The following RBM33 variants were observed in gnomAD, a reference collection of about 807,000 sequenced individuals.
The protein encoded by RBM33 is RNA binding motif protein 33, also known as RNA-binding protein 33.
A neutral mutation model predicts 132.6 loss-of-function variants in RBM33; 28 were observed. The ratio of observed to expected loss-of-function variants is 0.21; its 90% CI spans 0.16 to 0.29. The LOEUF (loss-of-function observed/expected upper bound fraction) is 0.29. RBM33 is among the 10% of genes least tolerant of loss of function. RBM33 has a pLI of 1.00. For missense variants in RBM33, 1,291 were observed against 1,518.5 expected, an observed-to-expected ratio of 0.85 and a Z score of 2.49; for synonymous variants, 634 against 593.0, an observed-to-expected ratio of 1.07 and a Z score of -1.01.
chr7:155,667,886 T>TAC (rs1563134754), intron 2 of RBM33, among the ~76,000 whole-genome samples: 3 of 152,212 alleles, frequency 2.0e-5, no homozygotes, highest in Non-Finnish European at 4.4e-5. Context: ...AATAGACTAG[T>TAC]ACAGTGAACC....
chr7:155,763,670 A>G, intron 14 of RBM33, 142 bp from the exon 15 acceptor site: 1 of 749,918 alleles, frequency 1.3e-6, no homozygotes, highest in Non-Finnish European at 2.3e-6. Context: ...GGCTCTAGTG[A>G]AATGACAAGT....
chr7:155,673,543 CACACGTGTATATATAT>C (rs1799021316), intron 3 of RBM33, among the ~76,000 whole-genome samples: 1 of 90,296 alleles, frequency 1.1e-5, no homozygotes, highest in East Asian at 3.1e-4. Context: ...TATATACATA[CACACGTGTATATATAT>C]ACACACATAT....
At chr7:155,725,516 G>T (rs181028422) in intron 9 of RBM33, among the ~76,000 whole-genome samples, 388 of 152,168 alleles carry the variant, frequency 2.5e-3, no homozygotes, top group Non-Finnish European at 3.7e-3. Context: ...AAAAAACATA[G>T]AATCTGGTAA....
chr7:155,669,292 A>AT (rs970730649), intron 2 of RBM33, among the ~76,000 whole-genome samples: 1 of 151,914 alleles, frequency 6.6e-6, no homozygotes, highest in South Asian at 2.1e-4. Flanking sequence ...TGTTTTATTT[A>AT]TTTTTTTTAA....
At chr7:155,698,031 T>C (rs1429114437) in intron 5 of RBM33, among the ~76,000 whole-genome samples, 1 of 152,142 alleles carries the variant, frequency 6.6e-6, no homozygotes, top group Admixed American at 6.5e-5. Flanking sequence ...TACCCATCAG[T>C]GGAATGTAGC....
At chr7:155,649,779 T>C (rs1259541356) in intron 1 of RBM33, among the ~76,000 whole-genome samples, 1 of 152,222 alleles carries the variant, frequency 6.6e-6, no homozygotes, top group Non-Finnish European at 1.5e-5. Context: ...CTCAAATGGC[T>C]GGAGCTGCAA....
chr7:155,699,480 T>G (rs1799896742), intron 5 of RBM33, among the ~76,000 whole-genome samples: 1 of 152,208 alleles, frequency 6.6e-6, no homozygotes, highest in East Asian at 1.9e-4. Flanking sequence ...GCACGTACCT[T>G]GCAGGCATCC....
intron 3 of RBM33, among the ~76,000 whole-genome samples, chr7:155,677,194 C>T (rs1799208030): frequency 6.7e-6 from 1 of 150,356 alleles, no homozygotes; most frequent in African/African-American, 2.5e-5. Flanking sequence ...ATATGGTCAC[C>T]TAACGGAAAC....
chr7:155,735,272 A>G (rs1285615830), intron 9 of RBM33, among the ~76,000 whole-genome samples: 1 of 152,244 alleles, frequency 6.6e-6, no homozygotes, highest in Non-Finnish European at 1.5e-5. Context: ...AACAAGAGGA[A>G]AAAACTTTGG....
chr7:155,741,194 C>T (rs972093765), intron 12 of RBM33, among the ~76,000 whole-genome samples: 23 of 152,094 alleles, frequency 1.5e-4, no homozygotes, highest in Non-Finnish European at 8.8e-5. Flanking sequence ...ATTTGACCTG[C>T]GGGACCTCGG....
intron 14 of RBM33, among the ~76,000 whole-genome samples, chr7:155,755,723 T>A (rs1801827319): frequency 6.6e-6 from 1 of 152,222 alleles, no homozygotes; most frequent in Non-Finnish European, 1.5e-5. Flanking sequence ...TCTGTCAAAT[T>A]GCAGGAAGCC....
intron 6 of RBM33, chr7:155,701,172 A>G (rs1799950791): frequency 1.9e-6 from 1 of 535,390 alleles, no homozygotes; most frequent in East Asian, 3.0e-5. Flanking sequence ...TGTTTAAGAT[A>G]ATTAAAAAAA....
intron 2 of RBM33, among the ~76,000 whole-genome samples, chr7:155,670,221 A>G (rs1798909487): frequency 6.6e-6 from 1 of 152,262 alleles, no homozygotes; most frequent in Admixed American, 6.5e-5. Context: ...GTACTCAAGT[A>G]GTGATTACTG....
At chr7:155,761,222 G>T (rs762609545) in intron 14 of RBM33, among the ~76,000 whole-genome samples, 2 of 152,164 alleles carry the variant, frequency 1.3e-5, no homozygotes, top group Non-Finnish European at 2.9e-5. Context: ...CTAATATTCT[G>T]TTGGGGATTT....
At chr7:155,656,495 A>G (rs1055338402) in intron 1 of RBM33, among the ~76,000 whole-genome samples, 29 of 152,234 alleles carry the variant, frequency 1.9e-4, no homozygotes, top group Admixed American at 1.6e-3. Context: ...TGAAAAGACA[A>G]AGTACTTCTT....
intron 5 of RBM33, among the ~76,000 whole-genome samples, chr7:155,688,985 A>C (rs376876408): frequency 6.6e-6 from 1 of 152,230 alleles, no homozygotes; most frequent in South Asian, 2.1e-4. Context: ...TGCTGGCCTC[A>C]TAAAATGAGT....
At chr7:155,673,940 G>GTTGTTGTTGTTTTTTTTTTTTTTTTTTT in intron 3 of RBM33, among the ~76,000 whole-genome samples, 1 of 54,214 alleles carries the variant, frequency 1.8e-5, no homozygotes, top group African/African-American at 8.3e-5. Context: ...TTTAGGCTTA[G>GTTGTTGTTGTTTTTTTTTTTTTTTTTTT]TTTTTTTTTT....
chr7:155,774,500 A>C lies in RBM33; in HGVS notation c.3376-59A>C. 1 of 1,175,832 alleles carries C rather than the reference A, an allele frequency of 8.5e-7. No homozygotes were observed. Among genetic ancestry groups the C allele is most frequent in the Non-Finnish European group, 1.3e-6 (1 of 787,354 alleles). The allele number at this position is 1,175,832 out of a possible 1,614,324, so 72.8% of individuals were successfully genotyped here. ...AAACTAATAATGCTTAAATATATAT[A>C]TTCATATTTTTTATTGTCATTTACA... On this transcript the variant is annotated intron_variant, in intron 16 of 17. Transcript: ENST00000401878. The surrounding 1 kb of genome is among the most constrained non-coding windows in gnomAD (Gnocchi z 4.2).
intron 6 of RBM33, among the ~76,000 whole-genome samples, chr7:155,704,816 C>G (rs1287643257): frequency 6.6e-6 from 1 of 152,004 alleles, no homozygotes; most frequent in African/African-American, 2.4e-5. Flanking sequence ...TCATTAATTT[C>G]AGAGGATCTG....
Sources: gnomAD v4.1 joint callset for allele counts (sites outside exome capture counted in the v4.1 genomes callset) on GRCh38, gnomAD v4.1.1 for gene constraint, Gnocchi (gnomAD v3.1) non-coding constraint, MANE v1.5 for transcripts, NCBI Gene and HGNC (gene_info 2026-07-23, HGNC 2026-07-21) for gene names.